Variants in HYAL4 observed in about 807,000 individuals in gnomAD.
The protein encoded by HYAL4 is hyaluronidase-4.
In HYAL4, 37 loss-of-function variants were observed where a neutral mutation model predicts 35.2. That is an observed-to-expected ratio of 1.05 (90% CI 0.81 to 1.38). HYAL4 has a LOEUF of 1.38. HYAL4 is among the 40% of genes most tolerant of loss of function. The probability of loss-of-function intolerance (pLI) is 0.00; values close to 1 mark genes in which losing one functional copy is unlikely to be tolerated. For synonymous variants in HYAL4, 198 were observed against 203.2 expected, an observed-to-expected ratio of 0.97 and a Z score of 0.22; for missense variants, 572 against 572.4, an observed-to-expected ratio of 1.00 and a Z score of 0.01.
chr7:123,840,769 C>T (rs1192501352), upstream of HYAL4, among the ~76,000 whole-genome samples: 3 of 151,916 alleles, frequency 2.0e-5, no homozygotes, highest in Admixed American at 2.0e-4. Flanking sequence ...GGAGTTCACT[C>T]ATGATTTGGC....
At chr7:123,770,504 T>C in the HYAL4 span, among the ~76,000 whole-genome samples, 44 of 149,652 alleles carry the variant, frequency 2.9e-4, no homozygotes, top group African/African-American at 1.1e-3. Flanking sequence ...AAAAGTAACA[T>C]TAAAGTTGGA....
the HYAL4 span, among the ~76,000 whole-genome samples, chr7:123,789,261 T>C: frequency 6.6e-6 from 1 of 152,148 alleles, no homozygotes; most frequent in African/African-American, 2.4e-5. Context: ...ATAAGACGAA[T>C]GGAGTTTAGG....
chr7:123,851,036 T>C (rs548531662), intron 2 of HYAL4, among the ~76,000 whole-genome samples: 24 of 152,208 alleles, frequency 1.6e-4, no homozygotes, highest in Non-Finnish European at 3.2e-4. Context: ...AAAATATTTG[T>C]ATGAAAAAGT....
At chr7:123,874,053 T>G (rs769043701) in intron 3 of HYAL4, among the ~76,000 whole-genome samples, 2 of 152,182 alleles carry the variant, frequency 1.3e-5, no homozygotes, top group Non-Finnish European at 2.9e-5. Context: ...AAAAGGAACC[T>G]GGTTAACAGG....
intron 2 of HYAL4, among the ~76,000 whole-genome samples, chr7:123,857,933 A>T (rs1057054440): frequency 6.6e-6 from 1 of 151,984 alleles, no homozygotes; most frequent in Non-Finnish European, 1.5e-5. Context: ...GTGGTGGCTC[A>T]CTCCTGTAAT....
intron 3 of HYAL4, among the ~76,000 whole-genome samples, chr7:123,872,285 C>T (rs1371037162): frequency 6.6e-6 from 1 of 152,202 alleles, no homozygotes; most frequent in African/African-American, 2.4e-5. Flanking sequence ...AGTTATTTCA[C>T]TTAAGGTAAT....
At chr7:123,770,766 TAAGAA>T in the HYAL4 span, among the ~76,000 whole-genome samples, 8 of 151,266 alleles carry the variant, frequency 5.3e-5, no homozygotes, top group African/African-American at 2.0e-4. Context: ...AGTTGTGCTT[TAAGAA>T]AAGTAATTTA....
In HYAL4 at chr7:123,868,254, CGTA is replaced by C; in HGVS notation, c.-19_-17del. The C allele has an allele frequency of 3.6e-6, 5 of 1,383,318 alleles. No individual in the cohort carries two copies. The highest frequency in any genetic ancestry group is 4.9e-6 in the Non-Finnish European group (5 of 1,022,692). The allele number at this position is 1,383,318 out of a possible 1,614,324, so 85.7% of individuals were successfully genotyped here. On this transcript the variant is annotated 5_prime_UTR_variant, in exon 3 of 5. Coordinates refer to ENST00000223026, the MANE Select transcript of HYAL4 (RefSeq NM_012269.3). ...TAGAGTGCACTAAAGCAGAAGATAA[CGTA>C]ACATTTTTATCTTACCATGAAAGTA...
At chr7:123,872,515 C>G (rs1018772637) in intron 3 of HYAL4, among the ~76,000 whole-genome samples, 1 of 152,166 alleles carries the variant, frequency 6.6e-6, no homozygotes, top group Non-Finnish European at 1.5e-5. Flanking sequence ...TGAGTGAATC[C>G]CCTGAGTAGC....
chr7:123,857,713 C>CTT (rs1332550379), intron 2 of HYAL4, among the ~76,000 whole-genome samples: 3 of 122,894 alleles, frequency 2.4e-5, no homozygotes, highest in African/African-American at 8.4e-5. Context: ...TTCTTTCTTT[C>CTT]TTTCTTTCTT....
the HYAL4 span, among the ~76,000 whole-genome samples, chr7:123,786,748 A>ATCTG: frequency 6.7e-6 from 1 of 149,870 alleles, no homozygotes; most frequent in African/African-American, 2.5e-5. Flanking sequence ...CTATCTATCT[A>ATCTG]TCTATCTTTC....
the HYAL4 span, among the ~76,000 whole-genome samples, chr7:123,769,827 A>AG: frequency 6.6e-6 from 1 of 152,108 alleles, no homozygotes; most frequent in African/African-American, 2.4e-5. Context: ...ACTTGAAAAA[A>AG]AAAAAAAAAC....
upstream of HYAL4, among the ~76,000 whole-genome samples, chr7:123,824,431 AT>A (rs1165838716): frequency 2.0e-5 from 3 of 152,010 alleles, no homozygotes; most frequent in African/African-American, 7.2e-5. Flanking sequence ...TGGCAATATA[AT>A]TTTTTTAAGT....
At chr7:123,836,466 G>T (rs145802220) in intron 1 of HYAL4, among the ~76,000 whole-genome samples, 1 of 152,066 alleles carries the variant, frequency 6.6e-6, no homozygotes, top group Non-Finnish European at 1.5e-5. Context: ...AAGTTTATAT[G>T]AGTCCTTATG....
At chr7:123,778,500 A>G in the HYAL4 span, among the ~76,000 whole-genome samples, 4 of 151,280 alleles carry the variant, frequency 2.6e-5, no homozygotes, top group Admixed American at 2.6e-4. Context: ...TTTATCTTTC[A>G]TGACAGTATT....
rs1242274387 is a variant in HYAL4 at position 123,837,485 on chromosome 7, C to A, written c.-256-6760C>A. On this transcript the variant is annotated intron_variant, in intron 1 of 4. Transcript: ENST00000489978. ...AACTCCAACATGCAGCATTAAAATT[C>A]TATTAACACTGAACAGAATATTAAC... Among the ~76,000 whole-genome samples, 28 of 152,124 alleles carry A rather than the reference C, an allele frequency of 1.8e-4. 1 individual carries two copies. The highest frequency in any genetic ancestry group is 1.8e-3 in the Admixed American group (28 of 15,272).
At chr7:123,816,343 A>AT in the HYAL4 span, among the ~76,000 whole-genome samples, 1 of 152,158 alleles carries the variant, frequency 6.6e-6, no homozygotes, top group African/African-American at 2.4e-5. Context: ...TTGCTAAGGT[A>AT]TTCCTCAAGT....
the HYAL4 span, among the ~76,000 whole-genome samples, chr7:123,769,317 T>C: frequency 1.3e-5 from 2 of 152,260 alleles, no homozygotes; most frequent in Non-Finnish European, 2.9e-5. Context: ...AAGCCAACTT[T>C]GGGATGGAGT....
chr7:123,818,890 A>AT, the HYAL4 span, among the ~76,000 whole-genome samples: 1 of 152,174 alleles, frequency 6.6e-6, no homozygotes, highest in African/African-American at 2.4e-5. Flanking sequence ...AGAATGGTTA[A>AT]ATCTAGCTAA....
Sources: allele counts gnomAD v4.1 joint callset (sites outside exome capture counted in the v4.1 genomes callset), GRCh38; gene constraint gnomAD v4.1.1; transcripts MANE v1.5; gene names NCBI Gene and HGNC (gene_info 2026-07-23, HGNC 2026-07-21).